Variants in PCDH9 observed in about 807,000 individuals in gnomAD.
The protein encoded by PCDH9 is protocadherin 9, also known as protocadherin-9.
Under a neutral mutation model 70.6 loss-of-function variants are expected in PCDH9, and 24 were observed. That is an observed-to-expected ratio of 0.34 (90% CI 0.25 to 0.48). The LOEUF is 0.48. Ranked by LOEUF, PCDH9 falls within the 20% of genes least tolerant of loss-of-function variation. The probability of loss-of-function intolerance (pLI) is 0.99; values close to 1 mark genes in which losing one functional copy is unlikely to be tolerated. For missense variants in PCDH9, 1,281 were observed against 1,503.6 expected, an observed-to-expected ratio of 0.85 and a Z score of 2.45; for synonymous variants, 562 against 558.5, an observed-to-expected ratio of 1.01 and a Z score of -0.09.
intron 3 of PCDH9, among the ~76,000 whole-genome samples, chr13:66,838,861 A>C (rs2081068600): frequency 6.6e-6 from 1 of 152,102 alleles, no homozygotes; most frequent in Non-Finnish European, 1.5e-5. Context: ...TTTATTCAAA[A>C]GGGAGAAACG....
chr13:66,467,779 T>C (rs1338147514), intron 4 of PCDH9, among the ~76,000 whole-genome samples: 1 of 152,146 alleles, frequency 6.6e-6, no homozygotes, highest in Non-Finnish European at 1.5e-5. Context: ...ACTCCAATTA[T>C]CGCATTCTTT....
intron 4 of PCDH9, among the ~76,000 whole-genome samples, chr13:66,585,444 A>G (rs1302778563): frequency 1.3e-5 from 2 of 152,112 alleles, no homozygotes; most frequent in African/African-American, 2.4e-5. Context: ...TGCATTCCTG[A>G]GCAAACCTCC....
At chr13:67,211,137 A>G (rs1255320427) in intron 2 of PCDH9, 2 of 151,974 alleles carry the variant, frequency 1.3e-5, no homozygotes, top group African/African-American at 4.8e-5. Context: ...GGTCATATCA[A>G]CCCAATAATA....
intron 4 of PCDH9, among the ~76,000 whole-genome samples, chr13:66,415,779 G>A (rs1957449949): frequency 6.6e-6 from 1 of 152,048 alleles, no homozygotes; most frequent in South Asian, 2.1e-4. Flanking sequence ...ATTAGTGAAA[G>A]AAACATTATT....
At chr13:67,161,986 T>A (rs892482171) in intron 2 of PCDH9, among the ~76,000 whole-genome samples, 1 of 152,214 alleles carries the variant, frequency 6.6e-6, no homozygotes, top group South Asian at 2.1e-4. Flanking sequence ...ACTTATTAGC[T>A]AGCCTAATCC....
At chr13:67,016,427 G>C (rs1195771879) in intron 2 of PCDH9, among the ~76,000 whole-genome samples, 1 of 152,146 alleles carries the variant, frequency 6.6e-6, no homozygotes, top group Non-Finnish European at 1.5e-5. Context: ...AGCTACTCAA[G>C]AAAAGCAGGC....
chr13:66,665,364 C>T (rs1736126063), intron 3 of PCDH9, among the ~76,000 whole-genome samples: 1 of 152,122 alleles, frequency 6.6e-6, no homozygotes, highest in Admixed American at 6.5e-5. Flanking sequence ...TCCCAAAGTG[C>T]TGGGATTACA....
chr13:66,414,121 C>T (rs1320418101), intron 4 of PCDH9, among the ~76,000 whole-genome samples: 1 of 152,052 alleles, frequency 6.6e-6, no homozygotes, highest in Non-Finnish European at 1.5e-5. Context: ...AAAGACTAGA[C>T]ATGTATTTTA....
At chr13:66,931,717 T>A (rs1175079619) in intron 2 of PCDH9, among the ~76,000 whole-genome samples, 1 of 152,110 alleles carries the variant, frequency 6.6e-6, no homozygotes, top group Non-Finnish European at 1.5e-5. Flanking sequence ...CTGTGTCAAG[T>A]CCTCAACACC....
intron 2 of PCDH9, among the ~76,000 whole-genome samples, chr13:66,915,887 C>G (rs1391443294): frequency 6.6e-6 from 1 of 151,596 alleles, no homozygotes; most frequent in Non-Finnish European, 1.5e-5. Flanking sequence ...CTCCGTAGCA[C>G]AGAAACTGTG....
At chr13:66,616,513 A>G (rs1197726332) in intron 4 of PCDH9, among the ~76,000 whole-genome samples, 2 of 69,196 alleles carry the variant, frequency 2.9e-5, no homozygotes, top group Non-Finnish European at 6.2e-5. Flanking sequence ...ATTTTTGCCT[A>G]CATTTTAGAC....
intron 3 of PCDH9, among the ~76,000 whole-genome samples, chr13:66,814,036 TA>T (rs2080558526): frequency 6.6e-6 from 1 of 152,120 alleles, no homozygotes; most frequent in Non-Finnish European, 1.5e-5. Context: ...AGCACTGAAG[TA>T]AAACATACAA....
intron 4 of PCDH9, among the ~76,000 whole-genome samples, chr13:66,348,135 A>G (rs568641892): frequency 4.6e-5 from 7 of 151,144 alleles, no homozygotes; most frequent in Non-Finnish European, 1.0e-4. Context: ...TCCTTTTTCC[A>G]TCTCCCACTT....
At chr13:66,854,251 TTGTC>T (rs2081359497) in intron 3 of PCDH9, among the ~76,000 whole-genome samples, 1 of 152,166 alleles carries the variant, frequency 6.6e-6, no homozygotes, top group Non-Finnish European at 1.5e-5. Context: ...TTACTTTTCT[TTGTC>T]TGTAAAACAG....
chr13:66,630,326 C>T (rs1762318534), intron 4 of PCDH9, among the ~76,000 whole-genome samples: 1 of 152,040 alleles, frequency 6.6e-6, no homozygotes, highest in African/African-American at 2.4e-5. Context: ...ACATACCCCA[C>T]CAGAAAATAA....
At chr13:67,003,121 G>A (rs2084279064) in intron 2 of PCDH9, among the ~76,000 whole-genome samples, 2 of 151,712 alleles carry the variant, frequency 1.3e-5, no homozygotes, top group Non-Finnish European at 2.9e-5. Context: ...TGGTTGACCT[G>A]GTTTATTTAA....
At chr13:66,664,867 G>A (rs570739948) in intron 3 of PCDH9, among the ~76,000 whole-genome samples, 1 of 151,988 alleles carries the variant, frequency 6.6e-6, no homozygotes, top group South Asian at 2.1e-4. Context: ...TACATCCCAT[G>A]ATACCCTACC....
rs1566404169 is a variant in PCDH9, at chr13:66,542,697, T to TATATTTAAAC, written c.3340+88512_3340+88513insGTTTAAATAT. 5.4e-5 allele frequency among the ~76,000 whole-genome samples: 8 copies of TATATTTAAAC among 146,954 alleles called. 1 individual carries two copies. The highest frequency in any genetic ancestry group is 4.5e-5 in the Non-Finnish European group (3 of 66,882). On this transcript the variant is annotated intron_variant, in intron 4 of 4. Transcript: ENST00000377865. ...ATTTAAATATATATATGTTTAAATA[T>TATATTTAAAC]ATATATATAAAAACATATATATGTT...
Position 67,226,425 on chromosome 13 carries a change from G to C in PCDH9, c.2016C>G (p.Ser672Arg). Residue 672 changes from serine (S) to arginine (R), a missense_variant, in exon 2 of 5, where the codon AGC (serine) becomes AGG (arginine). By Grantham distance (110) the Ser-to-Arg change is moderately radical. Coordinates refer to ENST00000377865, the MANE Select transcript of PCDH9 (RefSeq NM_203487.3). This position sits in a 1 kb window ranked among gnomAD's most constrained non-coding sequence, Gnocchi z 5.0. ...TINVMDVNDNSPVVISPPSNT... is the reference protein window; with the variant it reads ...TINVMDVNDNRPVVISPPSNT... ...TAGACGGTGGAGAAATGACAACTGG[G>C]CTGTTGTCATTGACATCCATGACGT... 1 of 1,613,514 alleles carries C rather than the reference G, an allele frequency of 6.2e-7. No homozygotes were observed. The highest frequency in any genetic ancestry group is 8.5e-7 in the Non-Finnish European group (1 of 1,179,428).
Sources: allele counts gnomAD v4.1 joint callset (sites outside exome capture counted in the v4.1 genomes callset), GRCh38; gene constraint gnomAD v4.1.1; non-coding constraint Gnocchi (gnomAD v3.1); transcripts MANE v1.5; gene names NCBI Gene and HGNC (gene_info 2026-07-23, HGNC 2026-07-21).